Variants in PWWP2A observed in about 807,000 individuals in gnomAD.
PWWP2A encodes PWWP domain-containing protein 2A.
Under a neutral mutation model 48.5 loss-of-function variants are expected in PWWP2A, and 18 were observed. The ratio of observed to expected loss-of-function variants is 0.37; its 90% CI spans 0.26 to 0.55. PWWP2A has a LOEUF of 0.55. Among genes scored for constraint, PWWP2A ranks in the 20% least tolerant of loss-of-function variants. PWWP2A has a pLI of 0.81. For missense variants in PWWP2A, 867 were observed against 976.4 expected (o/e 0.89, Z 1.49); for synonymous variants, 396 against 387.7 (o/e 1.02, Z -0.25).
Position 160,119,359 on chromosome 5 carries a change from C to T in PWWP2A, c.30G>A (p.Ala10=), listed in dbSNP as rs1362258601. Residue 10 remains alanine (A), a synonymous_variant, in exon 1 of 2, where the codon GCG becomes GCA. Coordinates refer to ENST00000307063, the MANE Select transcript of PWWP2A (RefSeq NM_001130864.2). The stretch of plus-strand genomic sequence containing the variant: ...CCCCCTCCCCGGGGGACGCTGCAGT[C>T]GCTGCCGCCTCTGCAGCCACGGCCG... MAAVAAEAA[A]TAASPGEGGA... The T allele has an allele frequency of 1.4e-6, 2 of 1,383,414 alleles. No individual in the cohort carries two copies. The highest frequency in any genetic ancestry group is 1.9e-6 in the Non-Finnish European group (2 of 1,075,294). 85.7% of individuals were successfully genotyped at this position (1,383,414 alleles called of 1,614,324 possible).
In PWWP2A at chr5:160,106,981, G is replaced by A. The variant is rs150285525; in HGVS notation, c.584+11824C>T. ...TGGGATTACAGGCACACACCACCAC[G>A]CTCAACTAATTTTTTTGTATTTTTA... On this transcript the variant is annotated intron_variant, in intron 1 of 1. Coordinates refer to ENST00000307063, the MANE Select transcript of PWWP2A (RefSeq NM_001130864.2). Among the ~76,000 whole-genome samples the A allele has an allele frequency of 9.2e-5, 14 of 151,740 alleles. No individual in the cohort carries two copies. The East Asian group carries it at 2.1e-3, about 23-fold the overall frequency.
intron 2 of PWWP2A, among the ~76,000 whole-genome samples, chr5:160,068,484 A>G (rs1471723460): frequency 6.6e-6 from 1 of 152,154 alleles, no homozygotes; most frequent in East Asian, 1.9e-4. Context: ...CTGTAATCCC[A>G]GCTACCCAGG....
At chr5:160,060,728 G>C (rs1422946085), downstream of PWWP2A, among the ~76,000 whole-genome samples, 1 of 152,136 alleles carries the variant, frequency 6.6e-6, no homozygotes, top group Non-Finnish European at 1.5e-5. Flanking sequence ...ATATATTTAG[G>C]AGACTGAGCT....
chr5:160,092,666 T>A lies in PWWP2A; in HGVS notation c.1984A>T (p.Lys662Ter). The change falls in exon 2 of 2, where the codon AAG becomes TAG. Residue 662 changes from lysine (K) to a stop codon, truncating the protein, a stop_gained. Coordinates refer to ENST00000307063, the MANE Select transcript of PWWP2A (RefSeq NM_001130864.2). LOFTEE classifies it high-confidence loss of function. ...TICVGDIVWA[K>*]IYGFPWWPAR... ...GGCCACCAAGGGAAGCCATATATCTTGGCCCAAACAATGTCCCCTACACAT... is the reference window on the plus strand; with the variant it reads ...GGCCACCAAGGGAAGCCATATATCTAGGCCCAAACAATGTCCCCTACACAT... 6.4e-7 allele frequency: 1 copy of A among 1,551,728 alleles called. No homozygotes were observed. The highest frequency in any genetic ancestry group is 8.7e-7 in the Non-Finnish European group (1 of 1,147,004).
At chr5:160,059,012 G>A (rs79505993), downstream of PWWP2A, among the ~76,000 whole-genome samples, 12,443 of 152,210 alleles carry the variant, frequency 0.082, 699 homozygotes, top group Admixed American at 0.18. Flanking sequence ...AGTAGATTTA[G>A]CATCATTCTT....
intron 1 of PWWP2A, among the ~76,000 whole-genome samples, chr5:160,101,831 C>T (rs1405578321): frequency 6.6e-6 from 1 of 151,444 alleles, no homozygotes; most frequent in Non-Finnish European, 1.5e-5. Context: ...AAATGCGTGG[C>T]CGGCCACTGG....
At chr5:160,089,420 C>A, downstream of PWWP2A, 1 of 589,018 alleles carries the variant, frequency 1.7e-6, no homozygotes, top group South Asian at 2.0e-5. Flanking sequence ...CTATGTTGCC[C>A]AGAGTGGTCT....
chr5:160,117,880 G>A, intron 1 of PWWP2A: 9 of 984,928 alleles, frequency 9.1e-6, no homozygotes, highest in Non-Finnish European at 1.1e-5. Context: ...TGCTGTTGCA[G>A]GAAACAGAAT....
intron 1 of PWWP2A, among the ~76,000 whole-genome samples, chr5:160,104,304 G>A (rs937820640): frequency 1.3e-5 from 2 of 151,598 alleles, no homozygotes; most frequent in African/African-American, 2.4e-5. Context: ...AGTGACACAC[G>A]CCTGTGGTCC....
downstream of PWWP2A, among the ~76,000 whole-genome samples, chr5:160,059,111 C>T (rs1311022246): frequency 6.6e-6 from 1 of 152,190 alleles, no homozygotes; most frequent in Non-Finnish European, 1.5e-5. Flanking sequence ...GAGAGTCAGC[C>T]TATCCTTTGA....
intron 2 of PWWP2A, among the ~76,000 whole-genome samples, chr5:160,069,768 G>A (rs898757790): frequency 2.6e-5 from 4 of 152,308 alleles, no homozygotes; most frequent in Admixed American, 6.5e-5. Flanking sequence ...AGTCTAGCCT[G>A]TCTTGCACGG....
At chr5:160,105,418 G>T (rs532840676) in intron 1 of PWWP2A, among the ~76,000 whole-genome samples, 2 of 151,518 alleles carry the variant, frequency 1.3e-5, no homozygotes, top group Admixed American at 6.6e-5. Flanking sequence ...CACGCCTGTA[G>T]TCCCAGCTAC....
chr5:160,067,875 T>C (rs1753651833), intron 2 of PWWP2A, among the ~76,000 whole-genome samples: 1 of 152,222 alleles, frequency 6.6e-6, no homozygotes, highest in African/African-American at 2.4e-5. Flanking sequence ...CTATTGCTGC[T>C]AGAATGTGTG....
At chr5:160,047,407 A>C in the PWWP2A span, among the ~76,000 whole-genome samples, 1 of 152,162 alleles carries the variant, frequency 6.6e-6, no homozygotes, top group African/African-American at 2.4e-5. Flanking sequence ...CATGGGCTCA[A>C]ATTTAAAGAC....
chr5:160,058,251 G>A (rs897562624), downstream of PWWP2A, among the ~76,000 whole-genome samples: 1 of 152,108 alleles, frequency 6.6e-6, no homozygotes, highest in African/African-American at 2.4e-5. Flanking sequence ...TCGAATTCTA[G>A]TTACCTTGTT....
At chr5:160,076,888 G>T (rs1211631330) in exon 4 of PWWP2A, 1 of 151,790 alleles carries the variant, frequency 6.6e-6, no homozygotes, top group African/African-American at 2.4e-5. Flanking sequence ...AATCAATATG[G>T]ATTATCTTTC....
At chr5:160,064,838 A>G in intron 4 of PWWP2A, 1 of 1,326,756 alleles carries the variant, frequency 7.5e-7, no homozygotes, top group Non-Finnish European at 1.0e-6. Context: ...AGATACTTTT[A>G]TATTTTGTAC....
downstream of PWWP2A, chr5:160,090,328 A>G (rs1007540241): frequency 2.0e-6 from 2 of 984,538 alleles, no homozygotes; most frequent in African/African-American, 3.5e-5. Context: ...TTGGAATTAC[A>G]TATTTTGATG....
chr5:160,097,715 G>GT (rs1358852804), intron 1 of PWWP2A, among the ~76,000 whole-genome samples: 2 of 146,524 alleles, frequency 1.4e-5, no homozygotes, highest in East Asian at 4.0e-4. Context: ...TTGGGGGGGG[G>GT]GGCGGTTGTT....
Sources: allele counts gnomAD v4.1 joint callset (sites outside exome capture counted in the v4.1 genomes callset), GRCh38; gene constraint gnomAD v4.1.1; transcripts MANE v1.5; gene names NCBI Gene and HGNC (gene_info 2026-07-23, HGNC 2026-07-21).